The following USP32 variants were observed in gnomAD, a reference collection of about 807,000 sequenced individuals.
The protein encoded by USP32 is ubiquitin specific peptidase 32.
A neutral mutation model predicts 204.8 loss-of-function variants in USP32; 59 were observed. The ratio of observed to expected loss-of-function variants is 0.29; its 90% CI spans 0.23 to 0.36. The LOEUF (loss-of-function observed/expected upper bound fraction) is 0.36. Among genes scored for constraint, USP32 ranks in the 10% least tolerant of loss-of-function variants. The pLI, the probability that USP32 is intolerant of heterozygous loss-of-function variation, is 1.00. For missense variants in USP32, 1,160 were observed against 1,946.4 expected (o/e 0.60, Z 7.60); for synonymous variants, 517 against 678.4 (o/e 0.76, Z 3.70).
intron 1 of USP32, among the ~76,000 whole-genome samples, chr17:60,370,343 C>CA (rs1246698353): frequency 6.6e-6 from 1 of 151,050 alleles, no homozygotes; most frequent in Non-Finnish European, 1.5e-5. Context: ...GACACCAATC[C>CA]AAAAAAAACC....
At position 60,236,153 on chromosome 17, in the gene USP32, T is replaced by C. The variant is rs371378674; in HGVS notation, c.1224A>G (p.Lys408=). ...IISMQWWQQW[K]EYVKYDANPV... is the part of the protein sequence containing the mutation. ...TCTAACTCACGTATTTGACATATTC[T>C]TTCCACTGTTGCCACCACTGCATGG... The change falls in exon 12 of 34, where the codon AAA becomes AAG. Residue 408 remains lysine, a synonymous_variant. Coordinates refer to ENST00000300896, the MANE Select transcript of USP32 (RefSeq NM_032582.4). The C allele has an allele frequency of 3.8e-5, 61 of 1,613,770 alleles. No homozygotes were observed. In the Admixed American group the frequency reaches 1.0e-3, roughly 26 times the overall value.
At chr17:60,213,101 TG>T (rs563734997) in intron 18 of USP32, among the ~76,000 whole-genome samples, 33 of 152,320 alleles carry the variant, frequency 2.2e-4, no homozygotes, top group Admixed American at 2.2e-3. Flanking sequence ...CAAAACTTGA[TG>T]GGAAAAGATA....
chr17:60,244,176 T>C (rs1181923671), intron 11 of USP32, among the ~76,000 whole-genome samples: 2 of 151,286 alleles, frequency 1.3e-5, no homozygotes, highest in African/African-American at 2.4e-5. Flanking sequence ...GCTGGGACTA[T>C]AGGCGCCCAC....
intron 31 of USP32, 24 bp from the exon 32 acceptor site, chr17:60,181,772 A>G (rs1319573283): frequency 6.3e-7 from 1 of 1,586,248 alleles, no homozygotes; most frequent in South Asian, 1.1e-5. Context: ...AGAAGAAAAG[A>G]TTCACAAATT....
chr17:60,213,752 A>C (rs2085030835), intron 17 of USP32, 90 bp from the exon 18 acceptor site: 2 of 1,487,394 alleles, frequency 1.3e-6, no homozygotes, highest in Non-Finnish European at 9.0e-7. Flanking sequence ...TAAAAAAACA[A>C]CTTCTTTGTA....
chr17:60,220,895 G>T (rs1213449314), intron 15 of USP32, among the ~76,000 whole-genome samples: 1 of 151,934 alleles, frequency 6.6e-6, no homozygotes, highest in Non-Finnish European at 1.5e-5. Context: ...TGATCCGCCC[G>T]CCTCAGCCTC....
intron 1 of USP32, among the ~76,000 whole-genome samples, chr17:60,391,212 G>A (rs1392840327): frequency 6.6e-6 from 1 of 152,222 alleles, no homozygotes; most frequent in Non-Finnish European, 1.5e-5. Context: ...GTCAACGTCG[G>A]AGGAGATGAA....
chr17:60,331,907 AT>A (rs1431660834), intron 2 of USP32, among the ~76,000 whole-genome samples: 2 of 145,918 alleles, frequency 1.4e-5, no homozygotes, highest in African/African-American at 5.1e-5. Flanking sequence ...TCAAAAAAAA[AT>A]AAAATAAACT....
intron 2 of USP32, among the ~76,000 whole-genome samples, chr17:60,340,858 A>G (rs1401709917): frequency 6.6e-6 from 1 of 152,152 alleles, no homozygotes; most frequent in African/African-American, 2.4e-5. Flanking sequence ...CTTGTAAGGC[A>G]GGCCTGGTGG....
At chr17:60,200,568 A>C (rs1385993030) in intron 26 of USP32, among the ~76,000 whole-genome samples, 1 of 152,120 alleles carries the variant, frequency 6.6e-6, no homozygotes, top group Non-Finnish European at 1.5e-5. Context: ...TGCAAAAAAA[A>C]AAAAAAAGTA....
chr17:60,337,479 C>G (rs959017294), intron 2 of USP32, among the ~76,000 whole-genome samples: 7 of 152,160 alleles, frequency 4.6e-5, no homozygotes, highest in Non-Finnish European at 7.3e-5. Flanking sequence ...ATAACAACTA[C>G]TAAAAAGAAA....
intron 31 of USP32, among the ~76,000 whole-genome samples, chr17:60,182,678 G>A (rs2084142135): frequency 6.6e-6 from 1 of 152,072 alleles, no homozygotes; most frequent in East Asian, 1.9e-4. Context: ...TGGGAGGATT[G>A]ATTGACCCCA....
intron 1 of USP32, among the ~76,000 whole-genome samples, chr17:60,364,778 C>G (rs903945861): frequency 1.3e-5 from 2 of 152,214 alleles, no homozygotes; most frequent in Non-Finnish European, 2.9e-5. Flanking sequence ...TAAAGGCCAA[C>G]ATAATTTATC....
At chr17:60,249,035 C>T (rs2086104777) in intron 11 of USP32, 1 of 152,056 alleles carries the variant, frequency 6.6e-6, no homozygotes, top group African/African-American at 2.4e-5. Context: ...CAGTGTGAAG[C>T]TGCTCAGTTT....
intron 1 of USP32, among the ~76,000 whole-genome samples, chr17:60,354,432 T>C (rs1303974895): frequency 6.6e-6 from 1 of 152,066 alleles, no homozygotes; most frequent in Non-Finnish European, 1.5e-5. Flanking sequence ...CAGAGATAAA[T>C]AAACATTGGG....
intron 1 of USP32, among the ~76,000 whole-genome samples, chr17:60,363,730 C>T (rs1307652668): frequency 6.6e-6 from 1 of 151,724 alleles, no homozygotes; most frequent in Non-Finnish European, 1.5e-5. Flanking sequence ...AACACCTGGG[C>T]TCAAGCAATC....
At chr17:60,401,975 CTG>C (rs1319100247) in intron 1 of USP32, among the ~76,000 whole-genome samples, 1 of 152,196 alleles carries the variant, frequency 6.6e-6, no homozygotes, top group African/African-American at 2.4e-5. Context: ...GTAGCTCACA[CTG>C]TGTGCTAGCC....
intron 16 of USP32, among the ~76,000 whole-genome samples, chr17:60,215,308 T>C (rs2085073330): frequency 6.6e-6 from 1 of 151,956 alleles, no homozygotes; most frequent in African/African-American, 2.4e-5. Flanking sequence ...AGCCTCAACT[T>C]TGAAAAGATG....
intron 29 of USP32, 60 bp downstream of exon 29, chr17:60,190,503 T>TA: frequency 6.7e-7 from 1 of 1,499,026 alleles, no homozygotes; most frequent in Non-Finnish European, 8.9e-7. Flanking sequence ...GCATAATAGT[T>TA]ACACTGGTGG....
Sources: gnomAD v4.1 joint callset for allele counts (sites outside exome capture counted in the v4.1 genomes callset) on GRCh38, gnomAD v4.1.1 for gene constraint, MANE v1.5 for transcripts, NCBI Gene and HGNC (gene_info 2026-07-23, HGNC 2026-07-21) for gene names.